The following SCN11A variants were observed in gnomAD, a reference collection of about 807,000 sequenced individuals.
SCN11A encodes sodium voltage-gated channel alpha subunit 11.
A neutral mutation model predicts 162.2 loss-of-function variants in SCN11A; 122 were observed. The ratio of observed to expected loss-of-function variants is 0.75; its 90% CI spans 0.65 to 0.87. The LOEUF (loss-of-function observed/expected upper bound fraction) is 0.87, where lower values mean the gene tolerates loss of function less well. SCN11A is among the 40% of genes least tolerant of loss of function. SCN11A has a pLI of 0.00. For missense variants in SCN11A, 2,015 were observed against 2,181.6 expected (o/e 0.92, Z 1.52); for synonymous variants, 758 against 751.5 (o/e 1.01, Z -0.14).
At position 38,958,055 on chromosome 3, in the gene SCN11A, C is replaced by T. The variant is rs561659464; in HGVS notation, c.-139+2228G>A. On this transcript the variant is annotated intron_variant, in intron 3 of 29. Coordinates refer to ENST00000302328, the MANE Select transcript of SCN11A (RefSeq NM_001349253.2). ...GTGTGAAAGCACTGAGGGCTGCACA[C>T]GGACTCCTGGCTCTTATTTATGAAT... Among the ~76,000 whole-genome samples, 192 of 152,296 alleles carry T rather than the reference C, an allele frequency of 1.3e-3. 1 individual carries two copies. The highest frequency in any genetic ancestry group is 6.8e-3 in the Middle Eastern group (2 of 294).
intron 2 of SCN11A, among the ~76,000 whole-genome samples, chr3:38,963,518 CA>C (rs2066761169): frequency 7.1e-6 from 1 of 141,342 alleles, no homozygotes; most frequent in East Asian, 2.1e-4. Flanking sequence ...GATGGAGATA[CA>C]TATATATAAT....
At chr3:38,994,666 A>C (rs971329000) in intron 2 of SCN11A, among the ~76,000 whole-genome samples, 1 of 152,192 alleles carries the variant, frequency 6.6e-6, no homozygotes, top group Non-Finnish European at 1.5e-5. Context: ...TGGAGTCTGC[A>C]GTGTCTGTGG....
At chr3:39,018,199 T>C (rs558188577) in intron 2 of SCN11A, among the ~76,000 whole-genome samples, 1 of 152,354 alleles carries the variant, frequency 6.6e-6, no homozygotes, top group Admixed American at 6.5e-5. Context: ...TTTTAGAAAC[T>C]TCTTTTCCTG....
intron 2 of SCN11A, among the ~76,000 whole-genome samples, chr3:39,030,422 C>T (rs1266762633): frequency 2.0e-5 from 3 of 152,164 alleles, no homozygotes; most frequent in African/African-American, 7.2e-5. Context: ...ATATTTCTGA[C>T]ACCCTAAGGC....
At chr3:38,934,625 C>A (rs943210783) in intron 7 of SCN11A, among the ~76,000 whole-genome samples, 18 of 151,966 alleles carry the variant, frequency 1.2e-4, no homozygotes, top group African/African-American at 4.1e-4. Flanking sequence ...TCAAAACAGA[C>A]AAAGAAGGCC....
intron 2 of SCN11A, among the ~76,000 whole-genome samples, chr3:38,979,067 A>G (rs2029910266): frequency 2.0e-5 from 3 of 152,356 alleles, no homozygotes; most frequent in Admixed American, 1.3e-4. Flanking sequence ...TCCCAGGGAC[A>G]GTTTTGCATT....
intron 1 of SCN11A, among the ~76,000 whole-genome samples, chr3:39,048,843 A>G (rs1256505779): frequency 6.6e-6 from 1 of 152,194 alleles, no homozygotes; most frequent in African/African-American, 2.4e-5. Flanking sequence ...ATTGTGAGGA[A>G]CCAAATAGTG....
In SCN11A at chr3:38,846,503, A is replaced by G. The variant is rs957840302; in HGVS notation, c.*191T>C. 1.2e-5 allele frequency: 7 copies of G among 577,654 alleles called. No individual in the cohort carries two copies. The highest frequency in any genetic ancestry group is 2.2e-5 in the Non-Finnish European group (7 of 325,372). 35.8% of individuals were successfully genotyped at this position (577,654 alleles called of 1,614,324 possible). A position where few individuals can be genotyped will look rare whatever the true frequency, so the allele number is the denominator to read the frequency against. On this transcript the variant is annotated 3_prime_UTR_variant, in exon 30 of 30. Coordinates refer to ENST00000302328, the MANE Select transcript of SCN11A (RefSeq NM_001349253.2). ...ATAATAGTACCACTGGTTGTCAAGT[A>G]GCCTTATCTTATATCTCTGTAAGTA...
chr3:38,871,562 A>C lies in SCN11A; in HGVS notation c.3642T>G (p.Val1214=). 6.2e-7 allele frequency: 1 copy of C among 1,613,228 alleles called. No individual in the cohort carries two copies. The highest frequency in any genetic ancestry group is 1.1e-5 in the South Asian group (1 of 91,012). Residue 1214 remains valine, a synonymous_variant, in exon 25 of 30, where the codon GTT becomes GTG. Transcript: ENST00000302328. ...TATTTGTAATGATGGTATAATTTATAACTGAGTCTGTTCCATTAATGCATT... is the reference window on the plus strand; with the variant it reads ...TATTTGTAATGATGGTATAATTTATCACTGAGTCTGTTCCATTAATGCATT... The part of the protein sequence containing the change: ...FGKCINGTDS[V]INYTIITNKS...
In SCN11A at chr3:38,855,348, C is replaced by T. The variant is rs146417788; in HGVS notation, c.4057-4597G>A. ...TGGCCTGAGGACCACTTCCTCATCC[C>T]CCACAGTGGTTATGGCAAGCCCCAC... is the stretch of plus-strand genomic sequence containing the variant. On this transcript the variant is annotated intron_variant, in intron 28 of 29. Coordinates refer to ENST00000302328, the MANE Select transcript of SCN11A (RefSeq NM_001349253.2). 2.3e-4 allele frequency among the ~76,000 whole-genome samples: 35 copies of T among 152,284 alleles called. 1 individual carries two copies. The highest frequency in any genetic ancestry group is 4.6e-4 in the Admixed American group (7 of 15,298).
rs2065731006 is a variant in SCN11A at position 38,903,150 on chromosome 3, C to T, written c.1842+715G>A. On this transcript the variant is annotated intron_variant, in intron 16 of 29. Coordinates refer to ENST00000302328, the MANE Select transcript of SCN11A (RefSeq NM_001349253.2). ...AGACATTCTGGTAAGGTTTTTAGCTCATTAATCCATCAGCTAATTAGGGTA... is the reference window on the plus strand; with the variant it reads ...AGACATTCTGGTAAGGTTTTTAGCTTATTAATCCATCAGCTAATTAGGGTA... 3.3e-5 allele frequency among the ~76,000 whole-genome samples: 5 copies of T among 152,226 alleles called. No individual in the cohort carries two copies. In the South Asian group the frequency reaches 1.0e-3, roughly 32 times the overall value.
At chr3:38,935,593 A>G (rs1160594719) in intron 7 of SCN11A, among the ~76,000 whole-genome samples, 1 of 152,254 alleles carries the variant, frequency 6.6e-6, no homozygotes, top group East Asian at 1.9e-4. Flanking sequence ...AGAATACTAC[A>G]AACACCCCTA....
rs773497340 is a variant in SCN11A, at chr3:39,008,754, G to A, written c.-280+23626C>T. ...AATACAAGGGTGGGTGTAGTGGCACGTGCCTGTAGTCCCAGCTACTCAGGA... is the reference window on the plus strand; with the variant it reads ...AATACAAGGGTGGGTGTAGTGGCACATGCCTGTAGTCCCAGCTACTCAGGA... On this transcript the variant is annotated intron_variant, in intron 2 of 29. Coordinates refer to ENST00000302328, the MANE Select transcript of SCN11A (RefSeq NM_001349253.2). Among the ~76,000 whole-genome samples the A allele has an allele frequency of 6.7e-4, 102 of 152,086 alleles. 1 individual carries two copies. The highest frequency in any genetic ancestry group is 1.2e-3 in the Non-Finnish European group (83 of 67,972).
intron 28 of SCN11A, among the ~76,000 whole-genome samples, chr3:38,856,010 G>A (rs1272869383): frequency 6.6e-6 from 1 of 152,330 alleles, no homozygotes; most frequent in East Asian, 1.9e-4. Context: ...CCCTAGGGAA[G>A]GGGGAGTGCA....
intron 1 of SCN11A, among the ~76,000 whole-genome samples, chr3:39,037,688 T>C (rs1318197733): frequency 6.6e-6 from 1 of 152,196 alleles, no homozygotes. Context: ...ATGCAAACAC[T>C]ATCCCATTTT....
chr3:39,034,849 A>G (rs9873239), intron 1 of SCN11A, among the ~76,000 whole-genome samples: 2,285 of 152,312 alleles, frequency 0.015, 63 homozygotes, highest in African/African-American at 0.051. Context: ...TCTATTTACA[A>G]TAACAACAAA....
chr3:38,944,751 A>C (rs991326533), intron 7 of SCN11A, among the ~76,000 whole-genome samples: 2 of 152,098 alleles, frequency 1.3e-5, no homozygotes, highest in African/African-American at 4.8e-5. Flanking sequence ...ACCTGAGGTC[A>C]AGAGTTCAAG....
intron 29 of SCN11A, among the ~76,000 whole-genome samples, chr3:38,848,337 T>C (rs62244135): frequency 0.028 from 4,326 of 152,308 alleles, 90 homozygotes; most frequent in Non-Finnish European, 0.043. Flanking sequence ...GGTTGGAACA[T>C]GCTTGTCTTG....
chr3:39,034,505 A>C (rs2031850088), intron 1 of SCN11A, among the ~76,000 whole-genome samples: 1 of 152,240 alleles, frequency 6.6e-6, no homozygotes, highest in Non-Finnish European at 1.5e-5. Flanking sequence ...TATCAGACTA[A>C]ATGCAGAAGA....
Sources: allele counts gnomAD v4.1 joint callset (sites outside exome capture counted in the v4.1 genomes callset), GRCh38; gene constraint gnomAD v4.1.1; transcripts MANE v1.5; gene names NCBI Gene and HGNC (gene_info 2026-07-23, HGNC 2026-07-21).